AGPAT3: variants seen among roughly 807,000 people sequenced by gnomAD.
AGPAT3 encodes the protein 1-acyl-sn-glycerol-3-phosphate acyltransferase gamma.
Under a neutral mutation model 47.3 loss-of-function variants are expected in AGPAT3, and 5 were observed. That is an observed-to-expected ratio of 0.11 (90% confidence interval 0.06 to 0.22). The LOEUF is 0.22. Among genes scored for constraint, AGPAT3 ranks in the 10% least tolerant of loss-of-function variants. The pLI is 1.00. For synonymous variants in AGPAT3, 212 were observed against 208.3 expected (o/e 1.02, Z -0.15); for missense variants, 315 against 493.0 (o/e 0.64, Z 3.42).
At position 43,970,912 on chromosome 21, in the gene AGPAT3, A is replaced by T; in HGVS notation, c.664+106A>T. On this transcript the variant is annotated intron_variant, in intron 6 of 9. Transcript: ENST00000291572. The surrounding 1 kb of genome is among the most constrained non-coding windows in gnomAD (Gnocchi z 5.8). Reference sequence around the variant, plus strand: ...TGCATTCCATGTGAAACACAGAAGAACAGAAGTGCAAAAGGAATCAAGTGA... The same window carrying T: ...TGCATTCCATGTGAAACACAGAAGATCAGAAGTGCAAAAGGAATCAAGTGA... The T allele has an allele frequency of 7.7e-7, 1 of 1,301,600 alleles. No individual in the cohort carries two copies. The highest frequency in any genetic ancestry group is 1.0e-6 in the Non-Finnish European group (1 of 1,000,082). The allele number at this position is 1,301,600 out of a possible 1,614,324, so 80.6% of individuals were successfully genotyped here.
intron 2 of AGPAT3, among the ~76,000 whole-genome samples, chr21:43,921,838 C>G (rs148227164): frequency 2.4e-4 from 36 of 152,030 alleles, no homozygotes; most frequent in African/African-American, 8.4e-4. Context: ...TTTTTTAACA[C>G]GATACTAACC....
rs956043939 is a variant in AGPAT3, at chr21:43,954,282, C to A, written c.-48-5352C>A. 3.3e-5 allele frequency among the ~76,000 whole-genome samples: 5 copies of A among 152,134 alleles called. No homozygotes were observed. The highest frequency in any genetic ancestry group is 7.2e-5 in the African/African-American group (3 of 41,426). The stretch of plus-strand genomic sequence containing the variant: ...TGCTGCCATTGGAGGTTTGTGCAGT[C>A]AGGTTTATCAAGGAGGTCCAGGCGG... On this transcript the variant is annotated intron_variant, in intron 2 of 9. Coordinates refer to ENST00000291572, the MANE Select transcript of AGPAT3 (RefSeq NM_020132.5). This position sits in a 1 kb window ranked among gnomAD's most constrained non-coding sequence, Gnocchi z 4.0.
intron 2 of AGPAT3, among the ~76,000 whole-genome samples, chr21:43,923,765 G>C (rs1164150152): frequency 6.6e-6 from 1 of 152,206 alleles, no homozygotes; most frequent in East Asian, 1.9e-4. Context: ...GGGGATCCTG[G>C]GTACCAGGGC....
Position 43,930,474 on chromosome 21 carries a change from C to T in AGPAT3, c.-49+26455C>T, listed in dbSNP as rs552170683. ...GACCTCAGCGTGGCCCATGGGACCT[C>T]GCTGTGGTGTGTCTCAGCAACATCA... On this transcript the variant is annotated intron_variant, in intron 2 of 9. Coordinates refer to ENST00000291572, the MANE Select transcript of AGPAT3 (RefSeq NM_020132.5). This position sits in a 1 kb window ranked among gnomAD's most constrained non-coding sequence, Gnocchi z 5.0. 1.2e-3 allele frequency among the ~76,000 whole-genome samples: 190 copies of T among 152,202 alleles called. No homozygotes were observed. The highest frequency in any genetic ancestry group is 4.4e-3 in the African/African-American group (183 of 41,516).
chr21:43,934,797 C>G lies in AGPAT3; in HGVS notation c.-48-24837C>G, dbSNP rs916036754. Among the ~76,000 whole-genome samples, 2 of 151,386 alleles carry G rather than the reference C, an allele frequency of 1.3e-5. No homozygotes were observed. Among genetic ancestry groups the G allele is most frequent in the Admixed American group, 6.6e-5 (1 of 15,200 alleles). On this transcript the variant is annotated intron_variant, in intron 2 of 9. Transcript: ENST00000291572. The surrounding 1 kb of genome is among the most constrained non-coding windows in gnomAD (Gnocchi z 4.7). ...TCACGCCACCCACGCCACTCACACG[C>G]CACCCATGCCACCCACACCACCTCT... is the stretch of plus-strand genomic sequence containing the variant.
At chr21:43,868,667 A>T (rs2085560452) in intron 1 of AGPAT3, among the ~76,000 whole-genome samples, 1 of 152,230 alleles carries the variant, frequency 6.6e-6, no homozygotes. Context: ...ATTCTCAGCC[A>T]GGTGCTGGGA....
At chr21:43,957,616 G>A (rs1304773342) in intron 2 of AGPAT3, among the ~76,000 whole-genome samples, 4 of 148,786 alleles carry the variant, frequency 2.7e-5, no homozygotes, top group Non-Finnish European at 4.5e-5. Context: ...CGGGGGTCTC[G>A]GGTTTCCCCC....
At chr21:43,958,108 G>A (rs2088580239) in intron 2 of AGPAT3, among the ~76,000 whole-genome samples, 1 of 152,228 alleles carries the variant, frequency 6.6e-6, no homozygotes, top group African/African-American at 2.4e-5. Context: ...GTGCAGTTTG[G>A]ATCTTTTAAA....
At chr21:43,921,254 C>T (rs1388201145) in intron 2 of AGPAT3, among the ~76,000 whole-genome samples, 1 of 152,168 alleles carries the variant, frequency 6.6e-6, no homozygotes, top group Non-Finnish European at 1.5e-5. Flanking sequence ...ACTCCTGTGC[C>T]CTGGACACCC....
At chr21:43,897,757 G>A (rs2086259612) in intron 1 of AGPAT3, among the ~76,000 whole-genome samples, 1 of 152,224 alleles carries the variant, frequency 6.6e-6, no homozygotes, top group African/African-American at 2.4e-5. Flanking sequence ...GGCAGAGGCT[G>A]TAATCTTAGC....
chr21:43,911,556 G>C (rs2086634292), intron 2 of AGPAT3, among the ~76,000 whole-genome samples: 1 of 152,208 alleles, frequency 6.6e-6, no homozygotes. Context: ...TTTGCCTCCT[G>C]CCTGCTCTTT....
rs1006029400 is a variant in AGPAT3, at chr21:43,984,331, G to A, written c.*1939G>A. On this transcript the variant is annotated 3_prime_UTR_variant, in exon 10 of 10. Transcript: ENST00000291572. ...ACGCTGCTCATCCGTCTCCATGTGTGTTTAGATCCATGCCATTCACTGACT... is the reference window on the plus strand; with the variant it reads ...ACGCTGCTCATCCGTCTCCATGTGTATTTAGATCCATGCCATTCACTGACT... 1 of 152,322 alleles carries A rather than the reference G, an allele frequency of 6.6e-6. No homozygotes were observed. Among genetic ancestry groups the A allele is most frequent in the South Asian group, 2.1e-4 (1 of 4,832 alleles). The allele number at this position is 152,322 out of a possible 1,614,324, so 9.4% of individuals were successfully genotyped here.
intron 2 of AGPAT3, chr21:43,925,295 C>G (rs1046209705): frequency 2.0e-5 from 3 of 152,424 alleles, no homozygotes; most frequent in Non-Finnish European, 2.9e-5. Flanking sequence ...GAGTCCTCCT[C>G]CCTGCTCAGG....
chr21:43,938,951 C>T (rs2087547311), intron 2 of AGPAT3, among the ~76,000 whole-genome samples: 1 of 152,202 alleles, frequency 6.6e-6, no homozygotes, highest in Non-Finnish European at 1.5e-5. Flanking sequence ...CTCTCTCCTC[C>T]ACCAGGTTCA....
intron 2 of AGPAT3, among the ~76,000 whole-genome samples, chr21:43,927,172 C>T (rs1300504398): frequency 6.6e-6 from 1 of 151,990 alleles, no homozygotes; most frequent in Non-Finnish European, 1.5e-5. Flanking sequence ...CCCTTCTGAC[C>T]ATGTACCTCG....
rs115787955 is a variant in AGPAT3, at chr21:43,963,739, A to T, written c.178+3880A>T. ...AAAAAAAAAAAAAAAAAGATAAGGA[A>T]GTCTTCGAATCCCCGGAGAGGAAAG... On this transcript the variant is annotated intron_variant, in intron 3 of 9. Transcript: ENST00000291572. 7.6e-3 allele frequency among the ~76,000 whole-genome samples: 1,131 copies of T among 149,794 alleles called. 18 individuals are homozygous for T. The highest frequency in any genetic ancestry group is 0.026 in the African/African-American group (1,061 of 40,552).
At chr21:43,899,083 C>T (rs1279661714) in intron 1 of AGPAT3, among the ~76,000 whole-genome samples, 1 of 152,232 alleles carries the variant, frequency 6.6e-6, no homozygotes, top group Non-Finnish European at 1.5e-5. Flanking sequence ...GCATCTCAGA[C>T]TTCCCATCTG....
chr21:43,986,504 T>C lies in AGPAT3; in HGVS notation c.*4112T>C, dbSNP rs1286088714. On this transcript the variant is annotated 3_prime_UTR_variant, in exon 10 of 10. Coordinates refer to ENST00000291572, the MANE Select transcript of AGPAT3 (RefSeq NM_020132.5). ...AGATACTGAAATGCACTAAATTGTA[T>C]TACATTAAACTGGAGTTACTTGATA... 6.6e-6 allele frequency: 1 copy of C among 152,668 alleles called. No homozygotes were observed. Among genetic ancestry groups the C allele is most frequent in the African/African-American group, 2.4e-5 (1 of 41,464 alleles). 9.5% of individuals were successfully genotyped at this position (152,668 alleles called of 1,614,324 possible).
Position 43,986,068 on chromosome 21 carries a change from G to A in AGPAT3, c.*3676G>A, listed in dbSNP as rs879552991. ...GGCTCTGCCCCATACCCCTGCCGTG[G>A]GGCCGACCTGGGGGATGCAGACATC... On this transcript the variant is annotated 3_prime_UTR_variant, in exon 10 of 10. Coordinates refer to ENST00000291572, the MANE Select transcript of AGPAT3 (RefSeq NM_020132.5). The A allele has an allele frequency of 6.6e-6, 1 of 152,248 alleles. No homozygotes were observed. Among genetic ancestry groups the A allele is most frequent in the Non-Finnish European group, 1.5e-5 (1 of 68,054 alleles). The allele number at this position is 152,248 out of a possible 1,614,324, so 9.4% of individuals were successfully genotyped here.
Sources: allele counts gnomAD v4.1 joint callset (sites outside exome capture counted in the v4.1 genomes callset), GRCh38; gene constraint gnomAD v4.1.1; non-coding constraint Gnocchi (gnomAD v3.1); transcripts MANE v1.5; gene names NCBI Gene and HGNC (gene_info 2026-07-23, HGNC 2026-07-21).